Variants in ABCC9 observed in about 807,000 individuals in gnomAD.
ABCC9 encodes ATP binding cassette subfamily C member 9.
A neutral mutation model predicts 188.3 loss-of-function variants in ABCC9; 95 were observed. The observed-to-expected ratio is 0.50, with a 90% CI of 0.43 to 0.60. The LOEUF (loss-of-function observed/expected upper bound fraction) is 0.60. ABCC9 is among the 20% of genes least tolerant of loss of function. ABCC9 has a pLI of 0.00. For missense variants in ABCC9, 1,102 were observed against 1,876.3 expected (o/e 0.59, Z 7.62); for synonymous variants, 659 against 652.7 (o/e 1.01, Z -0.15).
chr12:21,906,452 C>A, intron 11 of ABCC9, among the ~76,000 whole-genome samples, 164 bp from the exon 12 acceptor site: 1 of 152,042 alleles, frequency 6.6e-6, no homozygotes, highest in East Asian at 1.9e-4. Flanking sequence ...ACCCTTTGTG[C>A]TTCATGAAAT....
chr12:21,820,385 A>G (rs1046053462), intron 31 of ABCC9, among the ~76,000 whole-genome samples: 1 of 152,038 alleles, frequency 6.6e-6, no homozygotes, highest in African/African-American at 2.4e-5. Context: ...CCATTCATAC[A>G]TTCTTTAAAA....
intron 15 of ABCC9, among the ~76,000 whole-genome samples, chr12:21,886,834 C>A (rs1018297169): frequency 1.3e-5 from 2 of 152,100 alleles, no homozygotes; most frequent in African/African-American, 4.8e-5. Context: ...TCTACTAGTT[C>A]TCCTGCATGG....
At chr12:21,866,727 A>G (rs1339548052) in intron 18 of ABCC9, among the ~76,000 whole-genome samples, 1 of 152,198 alleles carries the variant, frequency 6.6e-6, no homozygotes, top group East Asian at 1.9e-4. Context: ...GAGTTTCAAA[A>G]TCTATGGAGA....
rs962192764 is a variant in ABCC9, at chr12:21,798,206, T to G, written c.*2838A>C. The G allele has an allele frequency of 3.3e-5, 5 of 152,228 alleles. No homozygotes were observed. The highest frequency in any genetic ancestry group is 3.3e-4 in the Admixed American group (5 of 15,288). The allele number at this position is 152,228 out of a possible 1,614,324, so 9.4% of individuals were successfully genotyped here. A position where few individuals can be genotyped will look rare whatever the true frequency, so the allele number is the denominator to read the frequency against. On this transcript the variant is annotated 3_prime_UTR_variant, in exon 40 of 40. Coordinates refer to ENST00000261200, the MANE Select transcript of ABCC9 (RefSeq NM_020297.4). Reference sequence around the variant, plus strand: ...TAGATAGGCTTCTACTGATGTTGCCTGTAGCAATATAATAAGAAAATATCA... The same window carrying G: ...TAGATAGGCTTCTACTGATGTTGCCGGTAGCAATATAATAAGAAAATATCA...
At chr12:21,846,060 GAC>G (rs1349196444) in intron 25 of ABCC9, among the ~76,000 whole-genome samples, 1 of 152,146 alleles carries the variant, frequency 6.6e-6, no homozygotes, top group Non-Finnish European at 1.5e-5. Context: ...ATCTGGATGA[GAC>G]TATTTGCTGA....
At chr12:21,893,453 T>A (rs969544925) in intron 14 of ABCC9, among the ~76,000 whole-genome samples, 1 of 152,168 alleles carries the variant, frequency 6.6e-6, no homozygotes, top group Non-Finnish European at 1.5e-5. Flanking sequence ...TGGAAAACAT[T>A]ATGGCTGTAT....
Position 21,915,337 on chromosome 12 carries a change from A to G in ABCC9, c.816+331T>C. ...AATGTGTATATATGTGTGTATATAT[A>G]GACATGTGTATGTATATATAATGTG... On this transcript the variant is annotated intron_variant, in intron 7 of 39. Transcript: ENST00000261200. Among the ~76,000 whole-genome samples the G allele has an allele frequency of 1.4e-5, 2 of 138,236 alleles. 1 individual carries two copies. Among genetic ancestry groups the G allele is most frequent in the Non-Finnish European group, 3.1e-5 (2 of 64,308 alleles). The allele number at this position is 138,236 out of a possible 152,430, so 90.7% of individuals were successfully genotyped here. A position where few individuals can be genotyped will look rare whatever the true frequency, so the allele number is the denominator to read the frequency against.
rs1443210983 is a variant in ABCC9 at position 21,842,397 on chromosome 12, A to G, written c.3390T>C (p.Tyr1130=). 6.2e-7 allele frequency: 1 copy of G among 1,614,178 alleles called. No individual in the cohort carries two copies. The highest frequency in any genetic ancestry group is 8.5e-7 in the Non-Finnish European group (1 of 1,179,988). The part of the protein sequence containing the change: ...LCLSAIGMIS[Y]ATPVFLVALL... The stretch of plus-strand genomic sequence containing the variant: ...GAGCAACCAGGAACACAGGAGTAGC[A>G]TAAGAAATCATCCCAATGGCAGACA... Residue 1130 remains tyrosine, a synonymous_variant, in exon 29 of 40, where the codon TAT becomes TAC. Coordinates refer to ENST00000261200, the MANE Select transcript of ABCC9 (RefSeq NM_020297.4).
intron 29 of ABCC9, among the ~76,000 whole-genome samples, chr12:21,840,866 T>G (rs1358446447): frequency 6.6e-6 from 1 of 152,258 alleles, no homozygotes; most frequent in Non-Finnish European, 1.5e-5. Context: ...AAATGTTATA[T>G]GATACATTCA....
At chr12:21,909,393 T>G (rs1948209923) in intron 10 of ABCC9, among the ~76,000 whole-genome samples, 2 of 151,944 alleles carry the variant, frequency 1.3e-5, no homozygotes, top group South Asian at 4.1e-4. Context: ...AGATGACAGA[T>G]TTTTTCAAAT....
At chr12:21,808,985 AAACT>A (rs1942049041) in intron 37 of ABCC9, among the ~76,000 whole-genome samples, 1 of 152,092 alleles carries the variant, frequency 6.6e-6, no homozygotes, top group South Asian at 2.1e-4. Flanking sequence ...CTTTTCAAAT[AAACT>A]AACAGATAAA....
chr12:21,850,500 C>T (rs1327864290), intron 24 of ABCC9, among the ~76,000 whole-genome samples: 2 of 152,066 alleles, frequency 1.3e-5, no homozygotes, highest in African/African-American at 2.4e-5. Flanking sequence ...CCTGTCCATA[C>T]CCTAACTTGC....
At chr12:21,854,281 C>G (rs1945114818) in intron 22 of ABCC9, among the ~76,000 whole-genome samples, 1 of 152,152 alleles carries the variant, frequency 6.6e-6, no homozygotes, top group Non-Finnish European at 1.5e-5. Context: ...TTTCAACTTT[C>G]CATCTATTTG....
intron 22 of ABCC9, among the ~76,000 whole-genome samples, chr12:21,857,772 G>A (rs956074063): frequency 2.6e-5 from 4 of 152,110 alleles, no homozygotes; most frequent in Non-Finnish European, 5.9e-5. Flanking sequence ...GCTTGTAAAC[G>A]CTGGAAAAAG....
At chr12:21,854,614 A>G (rs1945131812) in intron 22 of ABCC9, among the ~76,000 whole-genome samples, 1 of 152,252 alleles carries the variant, frequency 6.6e-6, no homozygotes, top group South Asian at 2.1e-4. Flanking sequence ...ATGTTGCAAT[A>G]AGTACTGTGT....
At chr12:21,832,566 C>A (rs1257017113) in intron 30 of ABCC9, among the ~76,000 whole-genome samples, 1 of 151,744 alleles carries the variant, frequency 6.6e-6, no homozygotes, top group Non-Finnish European at 1.5e-5. Context: ...CAAAGTAAAA[C>A]CACAATGAGA....
intron 30 of ABCC9, among the ~76,000 whole-genome samples, chr12:21,837,849 A>C (rs959177918): frequency 6.6e-6 from 1 of 152,192 alleles, no homozygotes; most frequent in Non-Finnish European, 1.5e-5. Context: ...TCACACAGCT[A>C]GTATTTTTCC....
chr12:21,848,221 A>G lies in ABCC9; in HGVS notation c.2795T>C (p.Leu932Ser), dbSNP rs1469919677. The G allele has an allele frequency of 6.2e-7, 1 of 1,613,462 alleles. No homozygotes were observed. Among genetic ancestry groups the G allele is most frequent in the Admixed American group, 1.7e-5 (1 of 59,972 alleles). Reference sequence around the variant, plus strand: ...GGCCCGTCGGAGAGTTTTCCTCTCTAAAGTAGTTTGGTCAGCTTCCATATC... The same window carrying G: ...GGCCCGTCGGAGAGTTTTCCTCTCTGAAGTAGTTTGGTCAGCTTCCATATC... ...EKDMEADQTT[L>S]ERKTLRRAMY... The change falls in exon 25 of 40, where the codon TTA (leucine) becomes TCA (serine). Residue 932 changes from leucine (L) to serine (S), a missense_variant. This residue lies in a region of ABCC9 where 131 missense variants were observed against 170.2 expected (regional missense o/e 0.77). Transcript: ENST00000261200.
chr12:21,854,162 T>TA (rs1945109610), intron 22 of ABCC9, among the ~76,000 whole-genome samples: 1 of 152,214 alleles, frequency 6.6e-6, no homozygotes, highest in Non-Finnish European at 1.5e-5. Flanking sequence ...ATAATCTGAA[T>TA]AATGAACAAA....
Sources: gnomAD v4.1 joint callset for allele counts (sites outside exome capture counted in the v4.1 genomes callset) on GRCh38, gnomAD v4.1.1 for gene constraint, gnomAD v4.1.1 regional missense constraint, MANE v1.5 for transcripts, NCBI Gene and HGNC (gene_info 2026-07-23, HGNC 2026-07-21) for gene names.